Variants in GABRB1 observed in about 807,000 individuals in gnomAD.
GABRB1 encodes the protein gamma-aminobutyric acid type A receptor subunit beta1.
Under a neutral mutation model 51.6 loss-of-function variants are expected in GABRB1, and 17 were observed. The ratio of observed to expected loss-of-function variants is 0.33; its 90% CI spans 0.23 to 0.49. GABRB1 has a LOEUF of 0.49. Ranked by LOEUF, GABRB1 falls within the 20% of genes least tolerant of loss-of-function variation. The pLI is 0.99. For synonymous variants in GABRB1, 247 were observed against 218.9 expected, an observed-to-expected ratio of 1.13 and a Z score of -1.14; for missense variants, 410 against 600.6, an observed-to-expected ratio of 0.68 and a Z score of 3.32.
intron 4 of GABRB1, among the ~76,000 whole-genome samples, chr4:47,162,259 T>A (rs1717990043): frequency 6.6e-6 from 1 of 152,066 alleles, no homozygotes; most frequent in Admixed American, 6.6e-5. Context: ...ATACTATAAA[T>A]CAATTGTAAT....
At chr4:47,316,633 G>A (rs889913230) in intron 4 of GABRB1, among the ~76,000 whole-genome samples, 1 of 151,890 alleles carries the variant, frequency 6.6e-6, no homozygotes, top group African/African-American at 2.4e-5. Flanking sequence ...ACCAAGTAAA[G>A]CTTGCCTTTA....
intron 3 of GABRB1, among the ~76,000 whole-genome samples, chr4:47,131,343 G>T (rs1040395646): frequency 2.0e-5 from 3 of 152,086 alleles, no homozygotes; most frequent in African/African-American, 7.2e-5. Context: ...ATTTTTAGTG[G>T]AGATGGGGTT....
At chr4:47,180,846 T>G (rs1478052060) in intron 4 of GABRB1, among the ~76,000 whole-genome samples, 1 of 152,074 alleles carries the variant, frequency 6.6e-6, no homozygotes, top group Non-Finnish European at 1.5e-5. Context: ...TTCTAAGATA[T>G]TTTTACAGAT....
chr4:47,093,322 A>C (rs1027374877), intron 3 of GABRB1, among the ~76,000 whole-genome samples: 3 of 152,198 alleles, frequency 2.0e-5, no homozygotes, highest in Non-Finnish European at 4.4e-5. Context: ...CCATAAGATA[A>C]AGTTGTCGTT....
At chr4:47,048,324 T>A (rs569793281) in intron 3 of GABRB1, among the ~76,000 whole-genome samples, 1 of 152,236 alleles carries the variant, frequency 6.6e-6, no homozygotes, top group South Asian at 2.1e-4. Flanking sequence ...CTCAAACTTA[T>A]ATCTCAGAAA....
At chr4:47,009,528 G>GA (rs1351595461) in intron 1 of GABRB1, among the ~76,000 whole-genome samples, 1 of 151,880 alleles carries the variant, frequency 6.6e-6, no homozygotes. Flanking sequence ...TTTTTAAGAA[G>GA]AAAAAAATAG....
At chr4:47,286,506 G>A (rs560985652) in intron 4 of GABRB1, among the ~76,000 whole-genome samples, 38 of 152,094 alleles carry the variant, frequency 2.5e-4, no homozygotes, top group African/African-American at 7.0e-4. Context: ...TCCTTGACAA[G>A]CCCCCTGTGC....
chr4:47,398,645 C>T (rs868669313), intron 5 of GABRB1, among the ~76,000 whole-genome samples: 3 of 152,322 alleles, frequency 2.0e-5, no homozygotes, highest in Middle Eastern at 6.8e-3. Flanking sequence ...AGTGCAGTGG[C>T]GCCATCTCTG....
At chr4:47,032,935 G>A (rs1392372025) in intron 3 of GABRB1, 8 of 332,238 alleles carry the variant, frequency 2.4e-5, no homozygotes, top group Non-Finnish European at 4.9e-5. Flanking sequence ...ATGCACCAAG[G>A]CCCTGCCACC....
Position 47,007,457 on chromosome 4 carries a change from G to A in GABRB1, c.-20+13531G>A, listed in dbSNP as rs949067217. ...TCTCAGTAACTAAAGGAACAAACAG[G>A]TGAAAAATGTAATAAAGGCATAAAT... On this transcript the variant is annotated intron_variant, in intron 1 of 3. Transcript: ENST00000513567. Among the ~76,000 whole-genome samples the A allele has an allele frequency of 9.9e-5, 15 of 152,248 alleles. No homozygotes were observed. The Middle Eastern group carries it at 0.014, about 138-fold the overall frequency.
chr4:47,230,936 G>A (rs1268956409), intron 4 of GABRB1, among the ~76,000 whole-genome samples: 1 of 152,110 alleles, frequency 6.6e-6, no homozygotes, highest in Admixed American at 6.6e-5. Context: ...CATGTAACAG[G>A]CCCTCATTTG....
At chr4:47,403,788 A>G (rs1247167459) in intron 7 of GABRB1, 77 bp downstream of exon 7, 1 of 1,451,512 alleles carries the variant, frequency 6.9e-7, no homozygotes, top group East Asian at 2.3e-5. Flanking sequence ...AATTATAGGC[A>G]AGGGCTCTCT....
chr4:47,420,954 A>G (rs1729074755), intron 8 of GABRB1, among the ~76,000 whole-genome samples: 1 of 146,336 alleles, frequency 6.8e-6, no homozygotes, highest in South Asian at 2.1e-4. Context: ...ACACACACAC[A>G]CACACACACA....
At chr4:47,253,717 G>T (rs986730222) in intron 4 of GABRB1, among the ~76,000 whole-genome samples, 1 of 152,250 alleles carries the variant, frequency 6.6e-6, no homozygotes, top group East Asian at 1.9e-4. Flanking sequence ...ATATACAAAT[G>T]ATTCATTAAA....
intron 5 of GABRB1, among the ~76,000 whole-genome samples, chr4:47,391,727 C>T (rs1239790643): frequency 1.3e-5 from 2 of 152,206 alleles, no homozygotes; most frequent in Non-Finnish European, 2.9e-5. Context: ...ATAGGTCCCT[C>T]TATCAGATTA....
intron 4 of GABRB1, among the ~76,000 whole-genome samples, chr4:47,283,642 C>A (rs1276846880): frequency 2.0e-5 from 3 of 151,738 alleles, no homozygotes; most frequent in Admixed American, 1.3e-4. Flanking sequence ...CCTGCCTAGG[C>A]CTCCCAAAGT....
intron 5 of GABRB1, among the ~76,000 whole-genome samples, chr4:47,322,921 A>G (rs1279240925): frequency 1.3e-5 from 2 of 152,148 alleles, no homozygotes; most frequent in Non-Finnish European, 2.9e-5. Flanking sequence ...GTGAGCTGAG[A>G]TCACGCCACC....
intron 3 of GABRB1, among the ~76,000 whole-genome samples, chr4:47,144,435 T>C (rs1717065688): frequency 1.3e-5 from 2 of 151,972 alleles, no homozygotes; most frequent in Non-Finnish European, 2.9e-5. Flanking sequence ...GAGGGGTCTT[T>C]CATATACCAA....
At chr4:47,398,620 T>G (rs1351602586) in intron 5 of GABRB1, among the ~76,000 whole-genome samples, 1 of 152,228 alleles carries the variant, frequency 6.6e-6, no homozygotes, top group African/African-American at 2.4e-5. Context: ...TGTCTCGCAC[T>G]GTCGCCCAGG....
Sources: allele counts gnomAD v4.1 joint callset (sites outside exome capture counted in the v4.1 genomes callset), GRCh38; gene constraint gnomAD v4.1.1; transcripts MANE v1.5; gene names NCBI Gene and HGNC (gene_info 2026-07-23, HGNC 2026-07-21).